The following ZBTB20 variants were observed in gnomAD, a reference collection of about 807,000 sequenced individuals.
The protein encoded by ZBTB20 is zinc finger and BTB domain containing 20.
ZBTB20 carries 9 observed loss-of-function variants against 56.9 expected under a neutral mutation model. The observed-to-expected ratio is 0.16, with a 90% CI of 0.10 to 0.28. ZBTB20 has a LOEUF of 0.28. ZBTB20 is among the 10% of genes least tolerant of loss of function. ZBTB20 has a pLI of 1.00. For missense variants in ZBTB20, 655 were observed against 1,003.0 expected, an observed-to-expected ratio of 0.65 and a Z score of 4.69; for synonymous variants, 417 against 420.7, an observed-to-expected ratio of 0.99 and a Z score of 0.11.
At chr3:115,085,429 A>G (rs938780592) in intron 1 of ZBTB20, among the ~76,000 whole-genome samples, 1 of 151,964 alleles carries the variant, frequency 6.6e-6, no homozygotes, top group Admixed American at 6.6e-5. Context: ...TAACTCTTTC[A>G]GGCCACCAGG....
chr3:114,882,641 T>C (rs2107593392), intron 4 of ZBTB20, among the ~76,000 whole-genome samples: 1 of 152,118 alleles, frequency 6.6e-6, no homozygotes, highest in Non-Finnish European at 1.5e-5. Flanking sequence ...ATATAAACAC[T>C]ATAAAATTTC....
intron 7 of ZBTB20, among the ~76,000 whole-genome samples, chr3:114,435,414 A>G (rs1279133718): frequency 2.0e-5 from 3 of 152,078 alleles, no homozygotes; most frequent in Non-Finnish European, 4.4e-5. Context: ...TTTTTTTTGT[A>G]TAAGAATCCT....
intron 5 of ZBTB20, among the ~76,000 whole-genome samples, chr3:114,779,444 G>A (rs2069889704): frequency 6.6e-6 from 1 of 152,132 alleles, no homozygotes; most frequent in African/African-American, 2.4e-5. Context: ...AAGAAGTTAA[G>A]TAGTAACTAG....
chr3:114,437,274 A>G (rs1420114493), intron 7 of ZBTB20, among the ~76,000 whole-genome samples: 1 of 152,162 alleles, frequency 6.6e-6, no homozygotes, highest in Non-Finnish European at 1.5e-5. Context: ...GAGAGATGTC[A>G]TGGTTTATCA....
rs932812555 is a variant in ZBTB20, at chr3:114,441,729, A to C, written c.-254-52624T>G. ...TATATTCTAGGCAACACACCGGTGA[A>C]TATAATTCATAATGAACATATTCAA... is the stretch of plus-strand genomic sequence containing the variant. On this transcript the variant is annotated intron_variant, in intron 7 of 11. Transcript: ENST00000675478. Among the ~76,000 whole-genome samples, 3 of 152,154 alleles carry C rather than the reference A, an allele frequency of 2.0e-5. No individual in the cohort carries two copies. The South Asian group carries it at 6.2e-4, about 32-fold the overall frequency.
chr3:114,871,028 A>T (rs954643928), intron 4 of ZBTB20, among the ~76,000 whole-genome samples: 1 of 146,510 alleles, frequency 6.8e-6, no homozygotes, highest in Non-Finnish European at 1.5e-5. Flanking sequence ...TGGCATGAAG[A>T]GAGTTCTTAG....
intron 11 of ZBTB20, among the ~76,000 whole-genome samples, chr3:114,344,665 T>C (rs993701331): frequency 2.2e-4 from 34 of 152,250 alleles, no homozygotes; most frequent in Non-Finnish European, 4.1e-4. Flanking sequence ...GGTAATATCA[T>C]GGCCTTCTCA....
intron 5 of ZBTB20, among the ~76,000 whole-genome samples, chr3:114,722,456 A>C (rs1226956030): frequency 6.6e-6 from 1 of 152,214 alleles, no homozygotes; most frequent in African/African-American, 2.4e-5. Flanking sequence ...AATAAATTCC[A>C]GTTACAAAAG....
chr3:114,732,253 G>A (rs1219967536), intron 5 of ZBTB20, among the ~76,000 whole-genome samples: 1 of 152,132 alleles, frequency 6.6e-6, no homozygotes, highest in Non-Finnish European at 1.5e-5. Context: ...ATGGATGGTA[G>A]TAATTGACTA....
At position 114,500,846 on chromosome 3, in the gene ZBTB20, C is replaced by T. The variant is rs114169276; in HGVS notation, c.-294-455G>A. On this transcript the variant is annotated intron_variant, in intron 6 of 11. Transcript: ENST00000675478. ...CTCAATACCCACATGTGGCTGGTGA[C>T]TGCCTTACTGGATAGCACAGATAGA... 9.3e-3 allele frequency among the ~76,000 whole-genome samples: 1,419 copies of T among 152,264 alleles called. 23 individuals carry two copies. The highest frequency in any genetic ancestry group is 0.031 in the African/African-American group (1,305 of 41,552).
chr3:114,816,557 A>G (rs543834879), intron 4 of ZBTB20, among the ~76,000 whole-genome samples: 2 of 152,316 alleles, frequency 1.3e-5, no homozygotes, highest in African/African-American at 4.8e-5. Flanking sequence ...TTTTAAGACT[A>G]AACCTTAGAA....
chr3:114,484,578 T>A (rs1345038975), intron 7 of ZBTB20, among the ~76,000 whole-genome samples: 1 of 152,192 alleles, frequency 6.6e-6, no homozygotes, highest in Non-Finnish European at 1.5e-5. Context: ...ATACATACAT[T>A]AAGTTCTGCA....
At chr3:114,840,375 T>C (rs1275274328) in intron 4 of ZBTB20, among the ~76,000 whole-genome samples, 1 of 152,224 alleles carries the variant, frequency 6.6e-6, no homozygotes, top group Non-Finnish European at 1.5e-5. Flanking sequence ...ATGGGATTGA[T>C]TAATGTGGAA....
intron 6 of ZBTB20, among the ~76,000 whole-genome samples, chr3:114,639,623 A>G (rs532072064): frequency 5.3e-5 from 8 of 152,088 alleles, no homozygotes; most frequent in East Asian, 1.9e-4. Context: ...GAACTTTATA[A>G]TAACTGGGAA....
intron 3 of ZBTB20, among the ~76,000 whole-genome samples, chr3:114,919,433 C>T: frequency 6.6e-6 from 1 of 152,030 alleles, no homozygotes; most frequent in Admixed American, 6.5e-5. Context: ...ACAGGCCAGG[C>T]ATGGTGGCTC....
At chr3:115,058,728 T>C (rs1286148159) in intron 2 of ZBTB20, among the ~76,000 whole-genome samples, 1 of 152,082 alleles carries the variant, frequency 6.6e-6, no homozygotes, top group African/African-American at 2.4e-5. Flanking sequence ...ACTCCATATA[T>C]ATATATTTCA....
intron 7 of ZBTB20, among the ~76,000 whole-genome samples, chr3:114,394,511 G>A (rs773975609): frequency 2.6e-5 from 4 of 152,204 alleles, no homozygotes; most frequent in Non-Finnish European, 5.9e-5. Flanking sequence ...CTGCCAATAA[G>A]TATAGTCCCT....
chr3:114,598,868 A>G (rs574527406), intron 6 of ZBTB20, among the ~76,000 whole-genome samples: 112 of 152,238 alleles, frequency 7.4e-4, no homozygotes, highest in Admixed American at 2.5e-3. Context: ...TCTCTGACCC[A>G]ACAATAACCA....
chr3:114,373,117 A>C (rs1266630037), intron 10 of ZBTB20, among the ~76,000 whole-genome samples: 2 of 152,020 alleles, frequency 1.3e-5, no homozygotes, highest in Admixed American at 6.5e-5. Context: ...GGGTTTCACC[A>C]TTTGGCCAGG....
Sources: allele counts gnomAD v4.1 joint callset (sites outside exome capture counted in the v4.1 genomes callset), GRCh38; gene constraint gnomAD v4.1.1; transcripts MANE v1.5; gene names NCBI Gene and HGNC (gene_info 2026-07-23, HGNC 2026-07-21).